Variants in MLLT3 observed in about 807,000 individuals in gnomAD.
The protein encoded by MLLT3 is protein AF-9.
In MLLT3, 4 loss-of-function variants were observed where a neutral mutation model predicts 53.2. The ratio of observed to expected loss-of-function variants is 0.08; its 90% CI spans 0.04 to 0.17. The LOEUF is 0.17. Ranked by LOEUF, MLLT3 falls within the 10% of genes least tolerant of loss-of-function variation. MLLT3 has a pLI of 1.00. For synonymous variants in MLLT3, 283 were observed against 230.6 expected, an observed-to-expected ratio of 1.23 and a Z score of -2.06; for missense variants, 569 against 684.0, an observed-to-expected ratio of 0.83 and a Z score of 1.87.
At chr9:20,433,848 C>T (rs192563657) in intron 4 of MLLT3, among the ~76,000 whole-genome samples, 9 of 152,106 alleles carry the variant, frequency 5.9e-5, no homozygotes, top group African/African-American at 2.2e-4. Context: ...GGCATGGTGG[C>T]TCACACCTGT....
chr9:20,603,912 C>G (rs932241244), intron 2 of MLLT3, among the ~76,000 whole-genome samples: 2 of 152,006 alleles, frequency 1.3e-5, no homozygotes, highest in African/African-American at 4.8e-5. Flanking sequence ...ACATGAAAAT[C>G]TTAACCCTGG....
At chr9:20,580,497 A>G (rs1753694360) in intron 2 of MLLT3, among the ~76,000 whole-genome samples, 1 of 152,072 alleles carries the variant, frequency 6.6e-6, no homozygotes, top group Non-Finnish European at 1.5e-5. Context: ...TCTTCATAAA[A>G]CAAGTTCTTA....
chr9:20,531,781 A>G (rs1818343911), intron 2 of MLLT3, among the ~76,000 whole-genome samples: 1 of 152,122 alleles, frequency 6.6e-6, no homozygotes, highest in Admixed American at 6.5e-5. Flanking sequence ...ATATTTTTTC[A>G]TCTCTGAGGG....
intron 2 of MLLT3, among the ~76,000 whole-genome samples, chr9:20,566,600 T>G (rs1462335026): frequency 1.3e-5 from 2 of 152,136 alleles, no homozygotes; most frequent in African/African-American, 4.8e-5. Flanking sequence ...GAGCAAGAAA[T>G]GCCCTATTCA....
At position 20,621,860 on chromosome 9, in the gene MLLT3, G is replaced by T; in HGVS notation, c.12+385C>A. 7.2e-7 allele frequency: 1 copy of T among 1,381,904 alleles called. No homozygotes were observed. The highest frequency in any genetic ancestry group is 9.3e-7 in the Non-Finnish European group (1 of 1,077,110). The allele number at this position is 1,381,904 out of a possible 1,614,324, so 85.6% of individuals were successfully genotyped here. ...GACTGTGCCCGCAGCTCCCGGCGGC[G>T]GCGGCTGAAATATGGCTGAGTTATT... is the stretch of plus-strand genomic sequence containing the variant. On this transcript the variant is annotated intron_variant, in intron 1 of 10. Coordinates refer to ENST00000380338, the MANE Select transcript of MLLT3 (RefSeq NM_004529.4). The surrounding 1 kb of genome is among the most constrained non-coding windows in gnomAD (Gnocchi z 7.0).
At chr9:20,556,564 T>C (rs889540247) in intron 2 of MLLT3, among the ~76,000 whole-genome samples, 2 of 151,986 alleles carry the variant, frequency 1.3e-5, no homozygotes, top group East Asian at 3.9e-4. Context: ...GCACCTGTAA[T>C]CCCAGCTACT....
At chr9:20,570,391 C>G (rs1353496034) in intron 2 of MLLT3, among the ~76,000 whole-genome samples, 2 of 152,234 alleles carry the variant, frequency 1.3e-5, no homozygotes, top group East Asian at 1.9e-4. Flanking sequence ...TTCACTAACA[C>G]TTAAGAGAAA....
chr9:20,525,922 G>A (rs1002550103), intron 2 of MLLT3, among the ~76,000 whole-genome samples: 1 of 152,110 alleles, frequency 6.6e-6, no homozygotes, highest in Non-Finnish European at 1.5e-5. Flanking sequence ...CATTTGTACT[G>A]AGACCAAAAA....
chr9:20,465,941 A>G (rs1824228096), intron 2 of MLLT3, among the ~76,000 whole-genome samples: 1 of 152,162 alleles, frequency 6.6e-6, no homozygotes, highest in Non-Finnish European at 1.5e-5. Flanking sequence ...ATCTTCTTCA[A>G]GAAACCAGGG....
intron 2 of MLLT3, among the ~76,000 whole-genome samples, chr9:20,465,893 A>G (rs924509837): frequency 1.3e-5 from 2 of 152,152 alleles, no homozygotes; most frequent in Admixed American, 6.5e-5. Flanking sequence ...CAGGGTACAT[A>G]TAGGAGTACA....
chr9:20,394,498 G>A (rs1219746840), intron 5 of MLLT3, among the ~76,000 whole-genome samples: 1 of 152,086 alleles, frequency 6.6e-6, no homozygotes, highest in Non-Finnish European at 1.5e-5. Context: ...GGGGCATTAG[G>A]GATGGTGATA....
intron 2 of MLLT3, among the ~76,000 whole-genome samples, chr9:20,495,192 A>G (rs796571366): frequency 6.6e-5 from 10 of 152,288 alleles, no homozygotes; most frequent in African/African-American, 2.4e-4. Flanking sequence ...GTTTAATAAT[A>G]TGGGCAACCA....
intron 5 of MLLT3, among the ~76,000 whole-genome samples, chr9:20,366,664 T>C (rs1821460319): frequency 6.6e-6 from 1 of 152,208 alleles, no homozygotes; most frequent in African/African-American, 2.4e-5. Flanking sequence ...CCACCAACAG[T>C]GTAAAAGTGT....
At chr9:20,428,349 G>A (rs1267023458) in intron 4 of MLLT3, among the ~76,000 whole-genome samples, 2 of 151,756 alleles carry the variant, frequency 1.3e-5, no homozygotes, top group African/African-American at 2.4e-5. Flanking sequence ...CAGGAATAAG[G>A]AAAACTAGTT....
chr9:20,379,901 C>T (rs775723556), intron 5 of MLLT3, among the ~76,000 whole-genome samples: 1 of 151,972 alleles, frequency 6.6e-6, no homozygotes, highest in Non-Finnish European at 1.5e-5. Context: ...AACAAATAGA[C>T]ACCATCCAAA....
intron 8 of MLLT3, among the ~76,000 whole-genome samples, chr9:20,360,094 A>G (rs917157293): frequency 2.0e-5 from 3 of 152,238 alleles, no homozygotes; most frequent in Admixed American, 6.5e-5. Context: ...AAGTTGTAAC[A>G]ATGATAATGA....
intron 6 of MLLT3, 52 bp from the exon 7 acceptor site, chr9:20,363,657 T>C (rs1418268921): frequency 6.3e-7 from 1 of 1,578,270 alleles, no homozygotes; most frequent in African/African-American, 1.3e-5. Flanking sequence ...CAAACACACT[T>C]AGCCATATTA....
At chr9:20,426,631 G>A (rs1328426732) in intron 4 of MLLT3, among the ~76,000 whole-genome samples, 1 of 152,000 alleles carries the variant, frequency 6.6e-6, no homozygotes, top group Non-Finnish European at 1.5e-5. Flanking sequence ...TCCAGCATAC[G>A]CAAAGGAATA....
chr9:20,479,802 C>A (rs1365778225), intron 2 of MLLT3, among the ~76,000 whole-genome samples: 1 of 152,090 alleles, frequency 6.6e-6, no homozygotes, highest in East Asian at 1.9e-4. Context: ...GTATATATAA[C>A]CAAATTTGGA....
Sources: gnomAD v4.1 joint callset for allele counts (sites outside exome capture counted in the v4.1 genomes callset) on GRCh38, gnomAD v4.1.1 for gene constraint, Gnocchi (gnomAD v3.1) non-coding constraint, MANE v1.5 for transcripts, NCBI Gene and HGNC (gene_info 2026-07-23, HGNC 2026-07-21) for gene names.